Variants in CNOT6 observed in about 807,000 individuals in gnomAD.
CNOT6 encodes carbon catabolite repression 4 protein.
Under a neutral mutation model 61.2 loss-of-function variants are expected in CNOT6, and 12 were observed. The ratio of observed to expected loss-of-function variants is 0.20; its 90% CI spans 0.13 to 0.32. The LOEUF (loss-of-function observed/expected upper bound fraction) is 0.32. Among genes scored for constraint, CNOT6 ranks in the 10% least tolerant of loss-of-function variants. The probability of loss-of-function intolerance (pLI) is 1.00; values close to 1 mark genes in which losing one functional copy is unlikely to be tolerated. For synonymous variants in CNOT6, 225 were observed against 240.6 expected, an observed-to-expected ratio of 0.94 and a Z score of 0.60; for missense variants, 405 against 663.9, an observed-to-expected ratio of 0.61 and a Z score of 4.28.
intron 4 of CNOT6, among the ~76,000 whole-genome samples, chr5:180,556,371 TTAATAA>T (rs1759892143): frequency 6.6e-6 from 1 of 152,142 alleles, no homozygotes; most frequent in African/African-American, 2.4e-5. Context: ...GTAACTATAG[TTAATAA>T]TAATGTGTAT....
At chr5:180,535,174 G>T (rs1164617488) in intron 2 of CNOT6, among the ~76,000 whole-genome samples, 3 of 152,282 alleles carry the variant, frequency 2.0e-5, no homozygotes, top group Non-Finnish European at 2.9e-5. Context: ...TGGCTAGGAA[G>T]GGGGCGTCTG....
chr5:180,559,950 AT>A (rs528723433), intron 4 of CNOT6, among the ~76,000 whole-genome samples: 899 of 141,334 alleles, frequency 6.4e-3, no homozygotes, highest in African/African-American at 0.014. Flanking sequence ...TAGTTTTATG[AT>A]TTTTTTTTTT....
intron 1 of CNOT6, among the ~76,000 whole-genome samples, chr5:180,523,776 G>GT (rs1285713752): frequency 1.3e-5 from 2 of 151,902 alleles, no homozygotes; most frequent in Admixed American, 1.3e-4. Flanking sequence ...ATTCCTGAAG[G>GT]TTTTTTTTCT....
At chr5:180,548,770 T>C (rs760629997) in intron 2 of CNOT6, among the ~76,000 whole-genome samples, 2 of 152,230 alleles carry the variant, frequency 1.3e-5, no homozygotes, top group African/African-American at 4.8e-5. Context: ...GTTACTCTTA[T>C]CTTGGTTGGA....
chr5:180,553,602 A>G (rs1003491432), intron 4 of CNOT6, 131 bp downstream of exon 4: 8 of 647,510 alleles, frequency 1.2e-5, no homozygotes, highest in South Asian at 2.0e-5. Flanking sequence ...TTTCTTAGCT[A>G]TATCGCAATG....
intron 1 of CNOT6, among the ~76,000 whole-genome samples, chr5:180,524,966 T>C (rs1758031765): frequency 6.6e-6 from 1 of 152,196 alleles, no homozygotes; most frequent in Non-Finnish European, 1.5e-5. Flanking sequence ...GAGCATTTTA[T>C]ATTTTCTAGG....
In CNOT6 at chr5:180,577,544, GTTC is replaced by G. The variant is rs1423483343; in HGVS notation, c.*3348_*3350del. ...AATTCCAAGAACTCCTTCAGCAGGT[GTTC>G]TTCACCATTCGTAAACAGTATTTTA... On this transcript the variant is annotated 3_prime_UTR_variant, in exon 12 of 12. Transcript: ENST00000261951. 6.5e-6 allele frequency: 1 copy of G among 152,704 alleles called. No individual in the cohort carries two copies. Among genetic ancestry groups the G allele is most frequent in the South Asian group, 2.1e-4 (1 of 4,822 alleles). 9.5% of individuals were successfully genotyped at this position (152,704 alleles called of 1,614,324 possible). A position where few individuals can be genotyped will look rare whatever the true frequency, so the allele number is the denominator to read the frequency against.
chr5:180,538,707 T>TATATAC (rs1758852814), intron 2 of CNOT6, among the ~76,000 whole-genome samples: 2 of 105,108 alleles, frequency 1.9e-5, no homozygotes, highest in South Asian at 3.1e-4. Flanking sequence ...TATATATATA[T>TATATAC]ATATATATAC....
intron 1 of CNOT6, among the ~76,000 whole-genome samples, chr5:180,508,053 C>T (rs1337917230): frequency 2.0e-5 from 3 of 152,098 alleles, no homozygotes; most frequent in African/African-American, 4.8e-5. Context: ...CATATCAGAC[C>T]GTATCTAGGA....
At chr5:180,552,602 C>T (rs1194023584) in intron 3 of CNOT6, among the ~76,000 whole-genome samples, 1 of 149,166 alleles carries the variant, frequency 6.7e-6, no homozygotes, top group Non-Finnish European at 1.5e-5. Context: ...GCCGAGATCG[C>T]ATCACTGCAC....
rs201324996 is a variant in CNOT6 at position 180,567,280 on chromosome 5, G to A, written c.872+38G>A. The stretch of plus-strand genomic sequence containing the variant: ...ATTTTTTAAAAAGAACGTTTTCTCA[G>A]TATTTGCAGGGTGGGGGCCAAGGGT... On this transcript the variant is annotated intron_variant, in intron 8 of 11. Coordinates refer to ENST00000261951, the MANE Select transcript of CNOT6 (RefSeq NM_001370472.1). 3 of 1,575,816 alleles carry A rather than the reference G, an allele frequency of 1.9e-6. No homozygotes were observed. The South Asian group carries it at 3.6e-5, about 19-fold the overall frequency.
chr5:180,555,906 C>T (rs78236403), intron 4 of CNOT6, among the ~76,000 whole-genome samples: 1 of 152,178 alleles, frequency 6.6e-6, no homozygotes, highest in Non-Finnish European at 1.5e-5. Context: ...TTTCCCCCCA[C>T]ATTTTTAAAT....
Position 180,543,519 on chromosome 5 carries a change from A to G in CNOT6, c.113-6412A>G, listed in dbSNP as rs1455490041. On this transcript the variant is annotated intron_variant, in intron 2 of 11. Transcript: ENST00000261951. ...TTACATGAATGAAACGTAATTCAGTATGCTCGATTCATGATCGTTTATATT... is the reference window on the plus strand; with the variant it reads ...TTACATGAATGAAACGTAATTCAGTGTGCTCGATTCATGATCGTTTATATT... Among the ~76,000 whole-genome samples, 4 of 152,244 alleles carry G rather than the reference A, an allele frequency of 2.6e-5. No homozygotes were observed. The South Asian group carries it at 8.3e-4, about 31-fold the overall frequency.
intron 8 of CNOT6, 77 bp downstream of exon 8, chr5:180,567,319 G>A: frequency 1.6e-6 from 2 of 1,290,282 alleles, no homozygotes; most frequent in Non-Finnish European, 2.1e-6. Flanking sequence ...GAAACTAATT[G>A]GCAAATGAGA....
intron 1 of CNOT6, among the ~76,000 whole-genome samples, chr5:180,508,740 A>G (rs1433170936): frequency 1.3e-5 from 2 of 151,788 alleles, no homozygotes; most frequent in East Asian, 1.9e-4. Flanking sequence ...CTTCCACCTC[A>G]TTCTCCCAGG....
At chr5:180,540,467 A>G (rs1476034841) in intron 2 of CNOT6, among the ~76,000 whole-genome samples, 2 of 152,226 alleles carry the variant, frequency 1.3e-5, no homozygotes, top group Non-Finnish European at 2.9e-5. Flanking sequence ...TGCATTCAGT[A>G]GAGACCGTAA....
chr5:180,527,230 A>T (rs1008476088), intron 1 of CNOT6, among the ~76,000 whole-genome samples: 1 of 152,186 alleles, frequency 6.6e-6, no homozygotes, highest in African/African-American at 2.4e-5. Context: ...AATCAGAAAA[A>T]CCAGATTTGT....
rs1760059878 is a variant in CNOT6 at position 180,559,416 on chromosome 5, A to G, written c.386-5073A>G. Among the ~76,000 whole-genome samples the G allele has an allele frequency of 5.3e-5, 8 of 152,200 alleles. No individual in the cohort carries two copies. In the South Asian group the frequency reaches 1.7e-3, roughly 32 times the overall value. On this transcript the variant is annotated intron_variant, in intron 4 of 11. Coordinates refer to ENST00000261951, the MANE Select transcript of CNOT6 (RefSeq NM_001370472.1). Reference sequence around the variant, plus strand: ...GATGTCCACTTTATCTGATATTAATATAACCACTCCTGCTTTCCTTTGATC... The same window carrying G: ...GATGTCCACTTTATCTGATATTAATGTAACCACTCCTGCTTTCCTTTGATC...
At chr5:180,572,643 G>A (rs1203706563) in intron 11 of CNOT6, among the ~76,000 whole-genome samples, 3 of 151,996 alleles carry the variant, frequency 2.0e-5, no homozygotes, top group Non-Finnish European at 2.9e-5. Flanking sequence ...TCAAACTCTC[G>A]GGCTCAGGCA....
Sources: gnomAD v4.1 joint callset for allele counts (sites outside exome capture counted in the v4.1 genomes callset) on GRCh38, gnomAD v4.1.1 for gene constraint, MANE v1.5 for transcripts, NCBI Gene and HGNC (gene_info 2026-07-23, HGNC 2026-07-21) for gene names.